The following CYP2U1 variants were observed in gnomAD, a reference collection of about 807,000 sequenced individuals.
CYP2U1 encodes cytochrome P450 2U1.
CYP2U1 carries 28 observed loss-of-function variants against 42.8 expected under a neutral mutation model. The observed-to-expected ratio is 0.65, with a 90% CI of 0.48 to 0.90. CYP2U1 has a LOEUF of 0.90. CYP2U1 is among the 40% of genes least tolerant of loss of function. The pLI is 0.00. For missense variants in CYP2U1, 642 were observed against 693.8 expected, an observed-to-expected ratio of 0.93 and a Z score of 0.84; for synonymous variants, 296 against 278.9, an observed-to-expected ratio of 1.06 and a Z score of -0.61.
chr4:107,932,224 C>A, intron 1 of CYP2U1, 91 bp downstream of exon 1: 1 of 1,471,428 alleles, frequency 6.8e-7, no homozygotes, highest in South Asian at 1.4e-5. Context: ...CCCTTCCGGC[C>A]GCCCGCGCCC....
At position 107,931,798 on chromosome 4, in the gene CYP2U1, G is replaced by C. The variant is rs779042395; in HGVS notation, c.155G>C (p.Arg52Pro). The change falls in exon 1 of 5, where the codon CGG becomes CCG. Residue 52 changes from arginine to proline, a missense_variant. Physicochemically the swap from Arg to Pro is moderately radical, Grantham distance 103. Coordinates refer to ENST00000332884, the MANE Select transcript of CYP2U1 (RefSeq NM_183075.3). ...GCGCTGCTGGGCTGGAGCTGGCTGCGGAGGCGCCGGGCGCGGGGCATCCCG... is the reference window on the plus strand; with the variant it reads ...GCGCTGCTGGGCTGGAGCTGGCTGCCGAGGCGCCGGGCGCGGGGCATCCCG... The part of the protein sequence containing the change: ...LVALLGWSWL[R>P]RRRARGIPPG... 1 of 1,512,900 alleles carries C rather than the reference G, an allele frequency of 6.6e-7. No homozygotes were observed. The highest frequency in any genetic ancestry group is 1.4e-5 in the African/African-American group (1 of 71,826). 93.7% of individuals were successfully genotyped at this position (1,512,900 alleles called of 1,614,324 possible).
Position 107,950,702 on chromosome 4 carries a change from C to T in CYP2U1, c.*279C>T, listed in dbSNP as rs138045275. The T allele has an allele frequency of 5.1e-3, 1,420 of 280,506 alleles. 10 individuals carry two copies. The highest frequency in any genetic ancestry group is 8.8e-3 in the Middle Eastern group (8 of 904). 17.4% of individuals were successfully genotyped at this position (280,506 alleles called of 1,614,324 possible). A position where few individuals can be genotyped will look rare whatever the true frequency, so the allele number is the denominator to read the frequency against. ...GGATTTTACTTGCAGTGGCTTCCAC[C>T]GATGGGCCAATCTTCTCATTTCTTA... On this transcript the variant is annotated 3_prime_UTR_variant, in exon 5 of 5. Coordinates refer to ENST00000332884, the MANE Select transcript of CYP2U1 (RefSeq NM_183075.3).
Position 107,945,435 on chromosome 4 carries a change from A to T in CYP2U1, c.956A>T (p.Asp319Val), listed in dbSNP as rs376043604. The change falls in exon 2 of 5, where the codon GAC becomes GTC. Residue 319 changes from aspartate to valine, a missense_variant. Asp to Val is a radical substitution (Grantham distance 152). Coordinates refer to ENST00000332884, the MANE Select transcript of CYP2U1 (RefSeq NM_183075.3). ...AGAGAGAACCCTCAGGACTTCATAG[A>T]CATGTACCTTCTCCACATGGAAGAG... ...LDRENPQDFIDMYLLHMEEER... is the reference protein window; with the variant it reads ...LDRENPQDFIVMYLLHMEEER... 2.7e-5 allele frequency: 43 copies of T among 1,613,992 alleles called. No individual in the cohort carries two copies. The highest frequency in any genetic ancestry group is 3.0e-5 in the Non-Finnish European group (35 of 1,180,024).
At chr4:107,946,326 A>G (rs1233016347) in intron 2 of CYP2U1, among the ~76,000 whole-genome samples, 1 of 152,196 alleles carries the variant, frequency 6.6e-6, no homozygotes, top group East Asian at 1.9e-4. Context: ...CCATTTGTTC[A>G]TAGTCACATC....
At chr4:107,937,654 G>T (rs757907097) in intron 1 of CYP2U1, 1 of 151,894 alleles carries the variant, frequency 6.6e-6, no homozygotes, top group African/African-American at 2.4e-5. Flanking sequence ...GATTATAGGC[G>T]CCTGCACCAC....
Position 107,953,259 on chromosome 4 carries a change from C to A in CYP2U1, c.*2836C>A, listed in dbSNP as rs1733970021. 1 of 152,136 alleles carries A rather than the reference C, an allele frequency of 6.6e-6. No individual in the cohort carries two copies. The highest frequency in any genetic ancestry group is 2.1e-4 in the South Asian group (1 of 4,828). 9.4% of individuals were successfully genotyped at this position (152,136 alleles called of 1,614,324 possible). A position where few individuals can be genotyped will look rare whatever the true frequency, so the allele number is the denominator to read the frequency against. ...TAAAATATAATGCCTTAAGCTGTGG[C>A]ACTTTAAAAACATCTTTATATATAA... On this transcript the variant is annotated 3_prime_UTR_variant, in exon 5 of 5. Coordinates refer to ENST00000332884, the MANE Select transcript of CYP2U1 (RefSeq NM_183075.3).
chr4:107,940,702 G>T (rs1733461522), intron 1 of CYP2U1: 1 of 151,990 alleles, frequency 6.6e-6, no homozygotes, highest in Non-Finnish European at 1.5e-5. Flanking sequence ...TTGGGCTGTA[G>T]TTTGCCAACC....
At chr4:107,933,729 A>G (rs1336869875) in intron 1 of CYP2U1, among the ~76,000 whole-genome samples, 1 of 152,246 alleles carries the variant, frequency 6.6e-6, no homozygotes, top group Non-Finnish European at 1.5e-5. Flanking sequence ...TAGCCTATGC[A>G]TATCCTCTTG....
chr4:107,950,212 TA>T lies in CYP2U1; in HGVS notation c.1457-31del, dbSNP rs750753356. ...TGAAATAGGAGAAGGGATGGTATTA[TA>T]ATCCTTCATTTTTTTCTGATCTCAT... is the stretch of plus-strand genomic sequence containing the variant. On this transcript the variant is annotated intron_variant, in intron 4 of 4. Transcript: ENST00000332884. 74 of 1,566,058 alleles carry T rather than the reference TA, an allele frequency of 4.7e-5. 2 individuals are homozygous for T. In the Admixed American group the frequency reaches 1.1e-3, roughly 23 times the overall value.
chr4:107,948,589 A>C lies in CYP2U1; in HGVS notation c.1289-761A>C, dbSNP rs534084574. Among the ~76,000 whole-genome samples the C allele has an allele frequency of 4.1e-3, 604 of 148,616 alleles. 3 individuals carry two copies. The highest frequency in any genetic ancestry group is 9.7e-3 in the African/African-American group (376 of 38,880). On this transcript the variant is annotated intron_variant, in intron 3 of 4. Coordinates refer to ENST00000332884, the MANE Select transcript of CYP2U1 (RefSeq NM_183075.3). ...GACAGCCTGTCTCAATAATAATAATAATAATCATCATCATCATCATCATAG... is the reference window on the plus strand; with the variant it reads ...GACAGCCTGTCTCAATAATAATAATCATAATCATCATCATCATCATCATAG...
intron 1 of CYP2U1, chr4:107,936,686 C>T (rs1733282976): frequency 6.6e-6 from 1 of 152,206 alleles, no homozygotes; most frequent in South Asian, 2.1e-4. Flanking sequence ...GGTTTGTATA[C>T]ATCACATTTT....
intron 1 of CYP2U1, chr4:107,938,174 T>A (rs1478915069): frequency 6.6e-6 from 1 of 152,184 alleles, no homozygotes; most frequent in Admixed American, 6.5e-5. Context: ...GCCACAGTGA[T>A]AAGTAAGTTG....
rs529548173 is a variant in CYP2U1, at chr4:107,950,848, T to C, written c.*425T>C. ...CTGATATCTCTAAAATGCTGTTAAG[T>C]TCTGGAGAAGAACTTCAGGAGAAGA... On this transcript the variant is annotated 3_prime_UTR_variant, in exon 5 of 5. Coordinates refer to ENST00000332884, the MANE Select transcript of CYP2U1 (RefSeq NM_183075.3). 6.5e-6 allele frequency: 1 copy of C among 154,322 alleles called. No individual in the cohort carries two copies. Among genetic ancestry groups the C allele is most frequent in the East Asian group, 1.9e-4 (1 of 5,218 alleles). 9.6% of individuals were successfully genotyped at this position (154,322 alleles called of 1,614,324 possible).
intron 1 of CYP2U1, among the ~76,000 whole-genome samples, chr4:107,935,382 G>C: frequency 6.6e-6 from 1 of 152,090 alleles, no homozygotes; most frequent in East Asian, 1.9e-4. Flanking sequence ...CCAAGAGACA[G>C]GATTTTCTTA....
rs370834419 is a variant in CYP2U1, at chr4:107,945,616, G to C, written c.1126+11G>C. The C allele has an allele frequency of 3.0e-5, 46 of 1,542,566 alleles. No individual in the cohort carries two copies. In the African/African-American group the frequency reaches 5.1e-4, roughly 17 times the overall value. On this transcript the variant is annotated intron_variant, in intron 2 of 4. Coordinates refer to ENST00000332884, the MANE Select transcript of CYP2U1 (RefSeq NM_183075.3). ...ACCCCGATGTACAAGGTAATTAATA[G>C]GTGTTTCCTTTGTTCATGGCAAAAC...
At chr4:107,937,395 T>C (rs531616515) in intron 1 of CYP2U1, 1 of 152,298 alleles carries the variant, frequency 6.6e-6, no homozygotes, top group South Asian at 2.1e-4. Context: ...TATGATCCTA[T>C]GGAAGAAAAG....
chr4:107,950,776 C>T lies in CYP2U1; in HGVS notation c.*353C>T, dbSNP rs544329697. ...AAATGAGAGTAATAAAACTTGGCTT[C>T]TCTCTACCTCTCAGCACTAATGATG... is the stretch of plus-strand genomic sequence containing the variant. On this transcript the variant is annotated 3_prime_UTR_variant, in exon 5 of 5. Transcript: ENST00000332884. The T allele has an allele frequency of 5.6e-6, 1 of 179,598 alleles. No individual in the cohort carries two copies. The highest frequency in any genetic ancestry group is 2.4e-5 in the African/African-American group (1 of 42,382). 11.1% of individuals were successfully genotyped at this position (179,598 alleles called of 1,614,324 possible). A position where few individuals can be genotyped will look rare whatever the true frequency, so the allele number is the denominator to read the frequency against.
At chr4:107,935,804 CT>C (rs368524638) in intron 1 of CYP2U1, 6 of 152,274 alleles carry the variant, frequency 3.9e-5, no homozygotes, top group African/African-American at 1.4e-4. Flanking sequence ...TCTTTGGCTA[CT>C]GTGCCCAGTA....
In CYP2U1 at chr4:107,952,276, C is replaced by T. The variant is rs1733936977; in HGVS notation, c.*1853C>T. 1.3e-5 allele frequency: 2 copies of T among 152,188 alleles called. 1 individual carries two copies. Among genetic ancestry groups the T allele is most frequent in the Non-Finnish European group, 2.9e-5 (2 of 68,042 alleles). 9.4% of individuals were successfully genotyped at this position (152,188 alleles called of 1,614,324 possible). A position where few individuals can be genotyped will look rare whatever the true frequency, so the allele number is the denominator to read the frequency against. On this transcript the variant is annotated 3_prime_UTR_variant, in exon 5 of 5. Transcript: ENST00000332884. ...CATTAAAGCCAGTTTTTAAAAAAAT[C>T]ACTGGACTTTTGTGTTTACCATTTA... is the stretch of plus-strand genomic sequence containing the variant.
Sources: allele counts gnomAD v4.1 joint callset (sites outside exome capture counted in the v4.1 genomes callset), GRCh38; gene constraint gnomAD v4.1.1; transcripts MANE v1.5; gene names NCBI Gene and HGNC (gene_info 2026-07-23, HGNC 2026-07-21).